CTNNA1: variants seen among roughly 807,000 people sequenced by gnomAD.
The protein encoded by CTNNA1 is catenin alpha 1, also known as catenin alpha-1.
In CTNNA1, 37 loss-of-function variants were observed where a neutral mutation model predicts 98.4. The ratio of observed to expected loss-of-function variants is 0.38; its 90% confidence interval spans 0.29 to 0.49. CTNNA1 has a LOEUF of 0.49. Among genes scored for constraint, CTNNA1 ranks in the 20% least tolerant of loss-of-function variants. The pLI, the probability that CTNNA1 is intolerant of heterozygous loss-of-function variation, is 0.95. For synonymous variants in CTNNA1, 404 were observed against 413.2 expected (o/e 0.98, Z 0.27); for missense variants, 761 against 1,147.2 (o/e 0.66, Z 4.86).
chr5:138,786,490 A>T (rs1020061046), intron 3 of CTNNA1, among the ~76,000 whole-genome samples: 1 of 151,786 alleles, frequency 6.6e-6, no homozygotes, highest in African/African-American at 2.4e-5. Context: ...CCCTCCCTTA[A>T]AAAAAAATAG....
intron 3 of CTNNA1, among the ~76,000 whole-genome samples, chr5:138,808,169 G>A (rs886068435): frequency 6.6e-5 from 10 of 152,128 alleles, no homozygotes; most frequent in Non-Finnish European, 7.4e-5. Context: ...TGTTCACAAG[G>A]CTATTTAATT....
intron 7 of CTNNA1, among the ~76,000 whole-genome samples, chr5:138,876,541 T>C (rs1236529256): frequency 6.6e-6 from 1 of 152,252 alleles, no homozygotes; most frequent in African/African-American, 2.4e-5. Context: ...GGTAAGCCCT[T>C]TTCTACATCT....
chr5:138,764,046 G>A (rs912416001), intron 1 of CTNNA1, among the ~76,000 whole-genome samples: 6 of 152,094 alleles, frequency 3.9e-5, no homozygotes, highest in Admixed American at 3.9e-4. Flanking sequence ...ATTGCAGGGC[G>A]CGGTGTCTCA....
chr5:138,876,268 G>A (rs1751492978), intron 7 of CTNNA1, among the ~76,000 whole-genome samples: 1 of 152,162 alleles, frequency 6.6e-6, no homozygotes, highest in Non-Finnish European at 1.5e-5. Flanking sequence ...TAGAGCATTT[G>A]CACCCTAGTT....
chr5:138,810,715 C>T (rs534963414), intron 4 of CTNNA1, among the ~76,000 whole-genome samples: 140 of 152,300 alleles, frequency 9.2e-4, no homozygotes, highest in African/African-American at 3.2e-3. Context: ...GGCAACCATC[C>T]GATTTCTCAA....
In CTNNA1 at chr5:138,934,146, C is replaced by A; in HGVS notation, c.*57C>A. On this transcript the variant is annotated 3_prime_UTR_variant, in exon 18 of 18. Coordinates refer to ENST00000302763, the MANE Select transcript of CTNNA1 (RefSeq NM_001903.5). ...GGGCTCCTGAATATCAGTCACTGTT[C>A]GTCACTCAAATGAATTTGCTAAATA... 2 of 1,349,688 alleles carry A rather than the reference C, an allele frequency of 1.5e-6. No homozygotes were observed. The highest frequency in any genetic ancestry group is 2.1e-6 in the Non-Finnish European group (2 of 967,276). The allele number at this position is 1,349,688 out of a possible 1,614,324, so 83.6% of individuals were successfully genotyped here.
intron 7 of CTNNA1, among the ~76,000 whole-genome samples, chr5:138,857,874 A>G (rs936292572): frequency 6.6e-6 from 1 of 152,230 alleles, no homozygotes; most frequent in Non-Finnish European, 1.5e-5. Flanking sequence ...ATAACTTACA[A>G]TTGTAATTCC....
At chr5:138,865,425 A>G (rs566605232) in intron 7 of CTNNA1, among the ~76,000 whole-genome samples, 1 of 152,324 alleles carries the variant, frequency 6.6e-6, no homozygotes, top group African/African-American at 2.4e-5. Flanking sequence ...GAACCTCCTT[A>G]GAGGGACAGT....
Position 138,874,977 on chromosome 5 carries a change from A to G in CTNNA1, c.1063-11235A>G, listed in dbSNP as rs754426028. 1.3e-6 allele frequency: 2 copies of G among 1,580,604 alleles called. No homozygotes were observed. The highest frequency in any genetic ancestry group is 2.7e-5 in the African/African-American group (2 of 74,144). The stretch of plus-strand genomic sequence containing the variant: ...TAGACTCAACGCAGTGAGTCTGTAA[A>G]AGGCTCTAACATGTAGGAGCCTTTG... On this transcript the variant is annotated intron_variant, in intron 7 of 17. Transcript: ENST00000302763. The surrounding 1 kb of genome is among the most constrained non-coding windows in gnomAD (Gnocchi z 4.1).
intron 10 of CTNNA1, 157 bp downstream of exon 10, chr5:138,904,598 T>C: frequency 3.0e-6 from 3 of 1,005,424 alleles, no homozygotes; most frequent in Non-Finnish European, 4.2e-6. Context: ...GTTTGGAATA[T>C]TTTTTGTTTA....
intron 7 of CTNNA1, among the ~76,000 whole-genome samples, chr5:138,843,642 T>C (rs560093767): frequency 2.0e-5 from 3 of 152,274 alleles, no homozygotes; most frequent in African/African-American, 7.2e-5. Context: ...GCCAGGGTCA[T>C]AGGGGTCTTG....
chr5:138,795,428 AGCCTGGGC>A (rs1411457392), intron 3 of CTNNA1, among the ~76,000 whole-genome samples: 52 of 152,286 alleles, frequency 3.4e-4, no homozygotes, highest in African/African-American at 1.2e-3. Flanking sequence ...ACGGCACTCC[AGCCTGGGC>A]GACAGCGAGA....
At chr5:138,932,508 A>G (rs1765584302) in intron 16 of CTNNA1, 70 bp from the exon 17 acceptor site, 2 of 1,579,486 alleles carry the variant, frequency 1.3e-6, no homozygotes. Flanking sequence ...AACCTTTCAG[A>G]AACAGCCGTG....
intron 7 of CTNNA1, among the ~76,000 whole-genome samples, chr5:138,883,258 T>G (rs1753338698): frequency 6.6e-6 from 1 of 152,182 alleles, no homozygotes; most frequent in Non-Finnish European, 1.5e-5. Context: ...CTCTATTACA[T>G]TTTAAATGAT....
intron 6 of CTNNA1, among the ~76,000 whole-genome samples, chr5:138,826,571 T>C (rs1760741424): frequency 6.6e-6 from 1 of 152,194 alleles, no homozygotes; most frequent in Non-Finnish European, 1.5e-5. Context: ...GGAGCAGTTC[T>C]TCCTCACAGC....
At chr5:138,803,550 C>A (rs1757785887) in intron 3 of CTNNA1, among the ~76,000 whole-genome samples, 1 of 152,270 alleles carries the variant, frequency 6.6e-6, no homozygotes, top group South Asian at 2.1e-4. Context: ...CACTTGTCTT[C>A]TTCGTTGTCT....
intron 1 of CTNNA1, chr5:138,761,935 C>A (rs1276496304): frequency 2.6e-5 from 4 of 152,118 alleles, no homozygotes; most frequent in Non-Finnish European, 1.5e-5. Flanking sequence ...TTTGTGTTTT[C>A]TGTAGAGACA....
chr5:138,925,292 T>C lies in CTNNA1; in HGVS notation c.1784T>C (p.Val595Ala), dbSNP rs1580861226. ...TTTACTGAGCAAGTAGAAGCAGCCGTGGAAGCCCTCAGCTCGGACCCTGCC... is the reference window on the plus strand; with the variant it reads ...TTTACTGAGCAAGTAGAAGCAGCCGCGGAAGCCCTCAGCTCGGACCCTGCC... The part of the protein sequence containing the change: ...PRFTEQVEAA[V>A]EALSSDPAQP... Residue 595 changes from valine (V) to alanine (A), a missense_variant, in exon 13 of 18, where the codon GTG (valine) becomes GCG (alanine). Physicochemically the swap from Val to Ala is moderately conservative, Grantham distance 64. This residue lies in a region of CTNNA1 where 287 missense variants were observed against 436.0 expected (regional missense o/e 0.66). Transcript: ENST00000302763. 6.2e-7 allele frequency: 1 copy of C among 1,614,116 alleles called. No homozygotes were observed. Among genetic ancestry groups the C allele is most frequent in the African/African-American group, 1.3e-5 (1 of 75,040 alleles).
chr5:138,882,320 C>T (rs1184932043), intron 7 of CTNNA1, among the ~76,000 whole-genome samples: 2 of 151,948 alleles, frequency 1.3e-5, no homozygotes, highest in Non-Finnish European at 2.9e-5. Flanking sequence ...AGAGAGAGCA[C>T]GGCATGTCTG....
Sources: allele counts gnomAD v4.1 joint callset (sites outside exome capture counted in the v4.1 genomes callset), GRCh38; gene constraint gnomAD v4.1.1; regional missense constraint gnomAD v4.1.1; non-coding constraint Gnocchi (gnomAD v3.1); transcripts MANE v1.5; gene names NCBI Gene and HGNC (gene_info 2026-07-23, HGNC 2026-07-21).